The following SH3GL3 variants were observed in gnomAD, a reference collection of about 807,000 sequenced individuals.
SH3GL3 encodes endophilin-A3.
SH3GL3 carries 33 observed loss-of-function variants against 47.7 expected under a neutral mutation model. The observed-to-expected ratio is 0.69, with a 90% CI of 0.52 to 0.92. The LOEUF is 0.92. Ranked by LOEUF, SH3GL3 falls within the 40% of genes least tolerant of loss-of-function variation. SH3GL3 has a pLI of 0.00. For synonymous variants in SH3GL3, 155 were observed against 148.8 expected, an observed-to-expected ratio of 1.04 and a Z score of -0.30; for missense variants, 363 against 417.8, an observed-to-expected ratio of 0.87 and a Z score of 1.14.
At chr15:83,509,154 G>T (rs1479529891) in intron 1 of SH3GL3, among the ~76,000 whole-genome samples, 1 of 152,238 alleles carries the variant, frequency 6.6e-6, no homozygotes, top group Non-Finnish European at 1.5e-5. Context: ...CAGGGGAATT[G>T]CCTTTGGAAC....
the SH3GL3 span, among the ~76,000 whole-genome samples, chr15:83,624,222 C>A: frequency 3.3e-5 from 5 of 152,142 alleles, no homozygotes; most frequent in Non-Finnish European, 7.3e-5. Flanking sequence ...GCTATAGAGG[C>A]AAATAGATTG....
chr15:83,522,110 T>C (rs1410102686), intron 1 of SH3GL3, among the ~76,000 whole-genome samples: 1 of 152,000 alleles, frequency 6.6e-6, no homozygotes, highest in Non-Finnish European at 1.5e-5. Context: ...TGGGTGAGAT[T>C]TGGGGCTAAA....
chr15:83,571,088 G>A (rs2045791923), intron 4 of SH3GL3, among the ~76,000 whole-genome samples: 1 of 152,198 alleles, frequency 6.6e-6, no homozygotes, highest in Non-Finnish European at 1.5e-5. Flanking sequence ...GCCGTTGGAT[G>A]TTTTCTTTTG....
chr15:83,514,799 T>G (rs1352460547), intron 1 of SH3GL3, among the ~76,000 whole-genome samples: 1 of 152,152 alleles, frequency 6.6e-6, no homozygotes, highest in Admixed American at 6.5e-5. Context: ...GTTCCTCTTA[T>G]TCGCAGCTGT....
intron 1 of SH3GL3, among the ~76,000 whole-genome samples, chr15:83,500,087 C>T (rs1395101821): frequency 1.3e-5 from 2 of 152,150 alleles, no homozygotes; most frequent in African/African-American, 4.8e-5. Context: ...AATGCCAGCT[C>T]AGATGGAATC....
chr15:83,525,369 T>TGTGTGC (rs1250721677), intron 1 of SH3GL3, among the ~76,000 whole-genome samples: 19 of 151,898 alleles, frequency 1.3e-4, no homozygotes, highest in Admixed American at 2.0e-4. Context: ...TGTGTGTGTG[T>TGTGTGC]GTGTGTGTGT....
rs2060832517 is a variant in SH3GL3 at position 83,616,808 on chromosome 15, GA to G, written c.839-1270del. The stretch of plus-strand genomic sequence containing the variant: ...GAGAAAAACAGGGAGGGAGAAGGAA[GA>G]AAAGAATGAAGGAAGGAAGGAAAAG... On this transcript the variant is annotated intron_variant, in intron 8 of 8. Transcript: ENST00000427482. Among the ~76,000 whole-genome samples the G allele has an allele frequency of 4.6e-5, 7 of 151,788 alleles. No individual in the cohort carries two copies. In the South Asian group the frequency reaches 1.5e-3, roughly 32 times the overall value.
rs555531529 is a variant in SH3GL3 at position 83,564,681 on chromosome 15, A to T, written c.115-453A>T. Among the ~76,000 whole-genome samples the T allele has an allele frequency of 6.6e-5, 10 of 152,304 alleles. No individual in the cohort carries two copies. The East Asian group carries it at 1.7e-3, about 26-fold the overall frequency. ...ATTGTATTATAATATAATACTAATG[A>T]TTATGATTCTTTTAGTGTTGATTAC... On this transcript the variant is annotated intron_variant, in intron 2 of 8. Coordinates refer to ENST00000427482, the MANE Select transcript of SH3GL3 (RefSeq NM_003027.5).
chr15:83,546,905 C>T (rs1008755034), intron 1 of SH3GL3, among the ~76,000 whole-genome samples: 3 of 152,064 alleles, frequency 2.0e-5, no homozygotes, highest in Admixed American at 1.3e-4. Flanking sequence ...TTTACTGTGA[C>T]GGAGCTGGTA....
intron 6 of SH3GL3, among the ~76,000 whole-genome samples, chr15:83,585,689 G>A (rs1490799240): frequency 6.6e-6 from 1 of 152,164 alleles, no homozygotes; most frequent in Admixed American, 6.5e-5. Flanking sequence ...TTTGTTTATT[G>A]GGTTTTTGGA....
chr15:83,610,407 C>T (rs975883250), intron 8 of SH3GL3, among the ~76,000 whole-genome samples: 3 of 152,120 alleles, frequency 2.0e-5, no homozygotes, highest in African/African-American at 7.2e-5. Flanking sequence ...CATGATGGTG[C>T]CTGTAGTCCC....
intron 1 of SH3GL3, among the ~76,000 whole-genome samples, chr15:83,551,651 T>C (rs1412628554): frequency 6.6e-6 from 1 of 152,198 alleles, no homozygotes; most frequent in African/African-American, 2.4e-5. Context: ...TCTAAAAGTC[T>C]CCATTGTCCC....
At chr15:83,584,386 C>T (rs1261553937) in intron 6 of SH3GL3, among the ~76,000 whole-genome samples, 1 of 152,186 alleles carries the variant, frequency 6.6e-6, no homozygotes, top group Non-Finnish European at 1.5e-5. Flanking sequence ...ACCGCAAAGT[C>T]CCTTTTGCTA....
chr15:83,470,129 T>C (rs1332131984), intron 1 of SH3GL3, among the ~76,000 whole-genome samples: 1 of 152,226 alleles, frequency 6.6e-6, no homozygotes, highest in African/African-American at 2.4e-5. Flanking sequence ...AGTCCTACTT[T>C]CTTTTTCTTT....
intron 6 of SH3GL3, among the ~76,000 whole-genome samples, chr15:83,582,386 C>A (rs1176071504): frequency 6.6e-6 from 1 of 152,054 alleles, no homozygotes; most frequent in Non-Finnish European, 1.5e-5. Context: ...TTCCTGAGGT[C>A]TTTCCATTGG....
At chr15:83,487,311 T>C (rs2041649933) in intron 1 of SH3GL3, among the ~76,000 whole-genome samples, 1 of 152,004 alleles carries the variant, frequency 6.6e-6, no homozygotes, top group Non-Finnish European at 1.5e-5. Flanking sequence ...CTTGGCCTGA[T>C]TGTTTCCTCT....
chr15:83,601,542 A>AAT (rs921622192), intron 8 of SH3GL3, among the ~76,000 whole-genome samples: 8 of 152,274 alleles, frequency 5.3e-5, no homozygotes, highest in African/African-American at 1.7e-4. Flanking sequence ...CCCTGGTATA[A>AAT]AACCCACTTG....
At chr15:83,517,782 G>A (rs2151644011) in intron 1 of SH3GL3, among the ~76,000 whole-genome samples, 1 of 152,220 alleles carries the variant, frequency 6.6e-6, no homozygotes, top group East Asian at 1.9e-4. Context: ...GGGGGTACAT[G>A]TGCAGGTTTT....
intron 8 of SH3GL3, among the ~76,000 whole-genome samples, chr15:83,589,145 T>C (rs370664829): frequency 6.6e-6 from 1 of 152,172 alleles, no homozygotes; most frequent in Non-Finnish European, 1.5e-5. Flanking sequence ...AAACAAGTGA[T>C]GCAAATGTGT....
Sources: gnomAD v4.1 joint callset for allele counts (sites outside exome capture counted in the v4.1 genomes callset) on GRCh38, gnomAD v4.1.1 for gene constraint, MANE v1.5 for transcripts, NCBI Gene and HGNC (gene_info 2026-07-23, HGNC 2026-07-21) for gene names.